The following PHACTR4 variants were observed in gnomAD, a reference collection of about 807,000 sequenced individuals.
PHACTR4 encodes protein phosphatase 1, regulatory subunit 124.
A neutral mutation model predicts 72.7 loss-of-function variants in PHACTR4; 51 were observed. The ratio of observed to expected loss-of-function variants is 0.70; its 90% CI spans 0.56 to 0.89. PHACTR4 has a LOEUF of 0.89. Among genes scored for constraint, PHACTR4 ranks in the 40% least tolerant of loss-of-function variants. The pLI, the probability that PHACTR4 is intolerant of heterozygous loss-of-function variation, is 0.00. For synonymous variants in PHACTR4, 255 were observed against 302.5 expected, an observed-to-expected ratio of 0.84 and a Z score of 1.63; for missense variants, 731 against 861.8, an observed-to-expected ratio of 0.85 and a Z score of 1.90.
intron 2 of PHACTR4, among the ~76,000 whole-genome samples, chr1:28,408,075 G>A (rs555089231): frequency 5.9e-5 from 9 of 152,324 alleles, no homozygotes; most frequent in East Asian, 1.9e-4. Context: ...AGCTGAGATC[G>A]CGCCACTGCG....
intron 2 of PHACTR4, among the ~76,000 whole-genome samples, chr1:28,410,290 C>A (rs1050808269): frequency 6.8e-6 from 1 of 147,038 alleles, no homozygotes; most frequent in Non-Finnish European, 1.5e-5. Context: ...TTTGTAGCTT[C>A]ATTACCAGGT....
intron 7 of PHACTR4, 91 bp downstream of exon 7, chr1:28,474,242 G>A (rs908465916): frequency 8.2e-6 from 10 of 1,214,340 alleles, no homozygotes; most frequent in South Asian, 2.9e-5. Flanking sequence ...AATGTGGGCC[G>A]GGCCTAGTGG....
chr1:28,423,435 A>ATAAATAAATAAATAAATAAATGAG (rs1655637063), intron 2 of PHACTR4, among the ~76,000 whole-genome samples: 1 of 141,570 alleles, frequency 7.1e-6, no homozygotes, highest in Non-Finnish European at 1.5e-5. Context: ...AAATAAATAA[A>ATAAATAAATAAATAAATAAATGAG]TAAATAAATG....
In PHACTR4 at chr1:28,476,192, CCA is replaced by C; in HGVS notation, c.1510_1511del (p.Gln504ValfsTer13). ...MTPTSVIPKL[P>X]QCLREEEEKE... ...ACCTACCTCAGTCATTCCTAAATTA[CCA>C]CAGTGTCTACGGGAGGAAGAAGAGA... is the stretch of plus-strand genomic sequence containing the variant. On this transcript the variant is annotated frameshift_variant, in exon 8 of 14. Transcript: ENST00000373839. LOFTEE classifies it high-confidence loss of function. 1.2e-6 allele frequency: 2 copies of C among 1,613,860 alleles called. No homozygotes were observed. Among genetic ancestry groups the C allele is most frequent in the Non-Finnish European group, 1.7e-6 (2 of 1,179,902 alleles).
chr1:28,478,233 T>C (rs1402447755), intron 8 of PHACTR4, among the ~76,000 whole-genome samples: 1 of 152,236 alleles, frequency 6.6e-6, no homozygotes, highest in Non-Finnish European at 1.5e-5. Context: ...ACAGGATTTC[T>C]TTCTTTTTCA....
intron 1 of PHACTR4, among the ~76,000 whole-genome samples, chr1:28,395,636 A>G (rs1199552628): frequency 7.5e-6 from 1 of 133,134 alleles, no homozygotes; most frequent in Non-Finnish European, 1.6e-5. Flanking sequence ...TCTTAAGCAT[A>G]ACTTTTTTTT....
At chr1:28,450,974 CTTTT>C (rs1188704308) in intron 2 of PHACTR4, among the ~76,000 whole-genome samples, 11 of 72,058 alleles carry the variant, frequency 1.5e-4, no homozygotes, top group Admixed American at 4.5e-4. Context: ...CCACACCCAG[CTTTT>C]TTTTTTTTTT....
chr1:28,456,674 C>G (rs1371541796), intron 2 of PHACTR4, among the ~76,000 whole-genome samples: 1 of 151,510 alleles, frequency 6.6e-6, no homozygotes, highest in African/African-American at 2.4e-5. Flanking sequence ...GTTCCCCAGG[C>G]TGGTCTTTCT....
In PHACTR4 at chr1:28,457,955, G is replaced by A. The variant is rs575704052; in HGVS notation, c.17-1130G>A. The A allele has an allele frequency of 1.1e-4, 81 of 741,916 alleles. No individual in the cohort carries two copies. The African/African-American group carries it at 1.4e-3, about 13-fold the overall frequency. 46.0% of individuals were successfully genotyped at this position (741,916 alleles called of 1,614,324 possible). A position where few individuals can be genotyped will look rare whatever the true frequency, so the allele number is the denominator to read the frequency against. On this transcript the variant is annotated intron_variant, in intron 2 of 13. Coordinates refer to ENST00000373839, the MANE Select transcript of PHACTR4 (RefSeq NM_001048183.3). Reference sequence around the variant, plus strand: ...TTCCTTTCTTTAAATTCTTGGCCCCGCCTTGGCTCTCCTTTCTCTGCCATT... The same window carrying A: ...TTCCTTTCTTTAAATTCTTGGCCCCACCTTGGCTCTCCTTTCTCTGCCATT...
Position 28,460,250 on chromosome 1 carries a change from G to A in PHACTR4, c.229G>A (p.Glu77Lys). The change falls in exon 4 of 14, where the codon GAG becomes AAG. Residue 77 changes from glutamate (E) to lysine (K), a missense_variant. By Grantham distance (56) the Glu-to-Lys change is moderately conservative. Transcript: ENST00000373839. ...AATATCTATGCGAAAGCCAAGAGAA[G>A]AGCTGGTTAAAAGAGGGGTTCTGTT... Reference protein sequence around the residue: ...RKISMRKPREELVKRGVLLED... With the variant: ...RKISMRKPREKLVKRGVLLED... The A allele has an allele frequency of 6.2e-7, 1 of 1,613,862 alleles. No homozygotes were observed. Among genetic ancestry groups the A allele is most frequent in the Non-Finnish European group, 8.5e-7 (1 of 1,179,876 alleles).
intron 4 of PHACTR4, among the ~76,000 whole-genome samples, chr1:28,463,682 T>C (rs1312982523): frequency 6.6e-6 from 1 of 152,186 alleles, no homozygotes; most frequent in African/African-American, 2.4e-5. Flanking sequence ...GAAGTACCTT[T>C]TCACTTGCCT....
At chr1:28,402,717 A>G (rs1557789954) in intron 1 of PHACTR4, among the ~76,000 whole-genome samples, 1 of 152,212 alleles carries the variant, frequency 6.6e-6, no homozygotes, top group Non-Finnish European at 1.5e-5. Flanking sequence ...TCTGTCTTGC[A>G]CAGGTGTCCA....
intron 7 of PHACTR4, 51 bp from the exon 8 acceptor site, chr1:28,476,047 TTAAAAGTCA>T: frequency 6.7e-7 from 1 of 1,498,174 alleles, no homozygotes; most frequent in African/African-American, 1.4e-5. Context: ...GTCCTTTGTC[TTAAAAGTCA>T]GTTATCCTCT....
At position 28,378,138 on chromosome 1, in the gene PHACTR4, A is replaced by G. The variant is rs563571958; in HGVS notation, c.-39+8313A>G. 2.0e-5 allele frequency among the ~76,000 whole-genome samples: 3 copies of G among 149,236 alleles called. No individual in the cohort carries two copies. In the South Asian group the frequency reaches 6.3e-4, roughly 31 times the overall value. On this transcript the variant is annotated intron_variant, in intron 1 of 13. Coordinates refer to ENST00000373839, the MANE Select transcript of PHACTR4 (RefSeq NM_001048183.3). ...CGTGAACCTGGGAGGCACGGCTTGC[A>G]GTGAGCCAAGATTGTGCCACTGCGC...
chr1:28,489,241 G>A lies in PHACTR4; in HGVS notation c.1816+16G>A, dbSNP rs765255935. 1.1e-5 allele frequency: 18 copies of A among 1,599,112 alleles called. No individual in the cohort carries two copies. The highest frequency in any genetic ancestry group is 1.5e-5 in the Non-Finnish European group (17 of 1,169,010). ...ATATTGCAACGTGAGTCCAGTTATG[G>A]AAATAAAGTTGTATAGATTTTCTTT... is the stretch of plus-strand genomic sequence containing the variant. On this transcript the variant is annotated intron_variant, in intron 10 of 13. Coordinates refer to ENST00000373839, the MANE Select transcript of PHACTR4 (RefSeq NM_001048183.3).
At chr1:28,458,971 T>C in intron 2 of PHACTR4, 114 bp from the exon 3 acceptor site, 2 of 910,544 alleles carry the variant, frequency 2.2e-6, no homozygotes, top group Non-Finnish European at 3.2e-6. Context: ...CATGATTGTT[T>C]ATCGTTGCTC....
rs1424375377 is a variant in PHACTR4 at position 28,473,632 on chromosome 1, C to G, written c.902C>G (p.Pro301Arg). ...SPPLPPKRGI[P>R]STSVPTLESA... is the part of the protein sequence containing the mutation. Reference sequence around the variant, plus strand: ...CCCTTACCACCTAAGAGAGGCATTCCATCAACCTCAGTACCCACCTTGGAG... The same window carrying G: ...CCCTTACCACCTAAGAGAGGCATTCGATCAACCTCAGTACCCACCTTGGAG... Residue 301 changes from proline to arginine, a missense_variant, in exon 7 of 14, where the codon CCA (proline) becomes CGA (arginine). Coordinates refer to ENST00000373839, the MANE Select transcript of PHACTR4 (RefSeq NM_001048183.3). 6 of 1,613,988 alleles carry G rather than the reference C, an allele frequency of 3.7e-6. No individual in the cohort carries two copies. The highest frequency in any genetic ancestry group is 2.2e-5 in the South Asian group (2 of 91,068).
intron 2 of PHACTR4, chr1:28,454,053 T>C: frequency 3.7e-6 from 1 of 271,822 alleles, no homozygotes; most frequent in South Asian, 4.6e-5. Flanking sequence ...TTGTCTCTAT[T>C]AAAAAAAAAT....
At chr1:28,440,563 A>G (rs1458663937) in intron 2 of PHACTR4, among the ~76,000 whole-genome samples, 2 of 151,400 alleles carry the variant, frequency 1.3e-5, no homozygotes, top group Non-Finnish European at 2.9e-5. Flanking sequence ...CAGTAGCCCT[A>G]ATAAAAGACA....
Sources: allele counts gnomAD v4.1 joint callset (sites outside exome capture counted in the v4.1 genomes callset), GRCh38; gene constraint gnomAD v4.1.1; transcripts MANE v1.5; gene names NCBI Gene and HGNC (gene_info 2026-07-23, HGNC 2026-07-21).